AGO2: variants seen among roughly 807,000 people sequenced by gnomAD.
AGO2 encodes protein argonaute-2.
In AGO2, 5 loss-of-function variants were observed where a neutral mutation model predicts 102.3. That is an observed-to-expected ratio of 0.05 (90% CI 0.03 to 0.10). AGO2 has a LOEUF of 0.10. Among genes scored for constraint, AGO2 ranks in the 10% least tolerant of loss-of-function variants. AGO2 has a pLI of 1.00. For missense variants in AGO2, 541 were observed against 1,183.7 expected (o/e 0.46, Z 7.97); for synonymous variants, 449 against 473.1 (o/e 0.95, Z 0.66).
intron 3 of AGO2, 81 bp from the exon 4 acceptor site, chr8:140,562,715 A>T: frequency 3.9e-6 from 6 of 1,529,018 alleles, no homozygotes; most frequent in Admixed American, 1.8e-5. Context: ...GTTGGCTTCC[A>T]GACACTCCTG....
At position 140,563,271 on chromosome 8, in the gene AGO2, C is replaced by T. The variant is rs140691759; in HGVS notation, c.337-637G>A. On this transcript the variant is annotated intron_variant, in intron 3 of 18. Transcript: ENST00000220592. ...TTGTTGAGACAGGGTCTCACTGTGG[C>T]CCAGGCTGGAGTGCAGTGGTGCAGT... 5.7e-3 allele frequency among the ~76,000 whole-genome samples: 873 copies of T among 152,304 alleles called. 8 individuals are homozygous for T. The highest frequency in any genetic ancestry group is 9.2e-3 in the Non-Finnish European group (629 of 68,028).
chr8:140,552,967 C>T (rs2073028052), intron 10 of AGO2, among the ~76,000 whole-genome samples: 1 of 152,220 alleles, frequency 6.6e-6, no homozygotes, highest in Non-Finnish European at 1.5e-5. Context: ...TCCTGCTGTA[C>T]ACATTGCTTT....
intron 3 of AGO2, among the ~76,000 whole-genome samples, chr8:140,571,683 T>TCA (rs1371638257): frequency 1.3e-5 from 2 of 152,236 alleles, no homozygotes; most frequent in Non-Finnish European, 2.9e-5. Flanking sequence ...AATCAGCCTT[T>TCA]CATTCTCATA....
At chr8:140,610,274 G>A (rs1163860436) in intron 1 of AGO2, among the ~76,000 whole-genome samples, 1 of 152,078 alleles carries the variant, frequency 6.6e-6, no homozygotes, top group Non-Finnish European at 1.5e-5. Context: ...ATCAGGAAAG[G>A]GAGGAACACA....
intron 4 of AGO2, 138 bp downstream of exon 4, chr8:140,562,315 T>G: frequency 9.7e-7 from 1 of 1,029,206 alleles, no homozygotes. Flanking sequence ...TGTGTTATCT[T>G]CATCACAGAA....
chr8:140,596,679 A>G (rs1370485172), intron 1 of AGO2, among the ~76,000 whole-genome samples: 3 of 152,232 alleles, frequency 2.0e-5, no homozygotes, highest in Admixed American at 2.0e-4. Context: ...AAAGTACCCA[A>G]TGCAAGATCT....
At chr8:140,610,486 TG>T (rs763179484) in intron 1 of AGO2, among the ~76,000 whole-genome samples, 1 of 152,214 alleles carries the variant, frequency 6.6e-6, no homozygotes, top group Non-Finnish European at 1.5e-5. Flanking sequence ...CCCAAAGTGC[TG>T]GGATTACAGG....
intron 1 of AGO2, among the ~76,000 whole-genome samples, chr8:140,603,217 C>G (rs184585604): frequency 2.6e-5 from 4 of 152,108 alleles, no homozygotes; most frequent in Non-Finnish European, 5.9e-5. Flanking sequence ...GCTCAGCAGA[C>G]GATGGAATCC....
intron 1 of AGO2, among the ~76,000 whole-genome samples, chr8:140,603,279 T>G (rs1226910428): frequency 2.6e-5 from 4 of 151,944 alleles, no homozygotes; most frequent in African/African-American, 4.8e-5. Context: ...CAAAGCGGAG[T>G]GCGTGGTGCC....
At chr8:140,573,846 T>C (rs1158914655) in intron 2 of AGO2, among the ~76,000 whole-genome samples, 1 of 152,220 alleles carries the variant, frequency 6.6e-6, no homozygotes, top group African/African-American at 2.4e-5. Context: ...ATTTGCTCTG[T>C]AGCCCCAGTC....
rs531707634 is a variant in AGO2, at chr8:140,553,299, G to A, written c.1270-1863C>T. ...TTCGAGAGGCTGAGGTGGGAGGAAC[G>A]CTTGAGCCCGGAAGGTCAGGGCTGT... On this transcript the variant is annotated intron_variant, in intron 10 of 18. Coordinates refer to ENST00000220592, the MANE Select transcript of AGO2 (RefSeq NM_012154.5). 9.2e-5 allele frequency among the ~76,000 whole-genome samples: 14 copies of A among 152,226 alleles called. No individual in the cohort carries two copies. In the East Asian group the frequency reaches 2.3e-3, roughly 25 times the overall value.
At chr8:140,550,381 C>T (rs2072974896) in intron 11 of AGO2, among the ~76,000 whole-genome samples, 1 of 152,206 alleles carries the variant, frequency 6.6e-6, no homozygotes, top group Non-Finnish European at 1.5e-5. Context: ...AGCCACCCTG[C>T]TGTGTGCTCC....
At chr8:140,537,349 C>T (rs559487619) in intron 16 of AGO2, among the ~76,000 whole-genome samples, 4 of 150,136 alleles carry the variant, frequency 2.7e-5, no homozygotes, top group Admixed American at 1.3e-4. Context: ...TAAGACAGGT[C>T]GGAGTGCAGT....
At chr8:140,641,553 A>G in the AGO2 span, among the ~76,000 whole-genome samples, 2 of 152,212 alleles carry the variant, frequency 1.3e-5, no homozygotes, top group African/African-American at 4.8e-5. Flanking sequence ...AAAATTAACC[A>G]TAATTCTATA....
chr8:140,598,430 C>T (rs75136572), intron 1 of AGO2, among the ~76,000 whole-genome samples: 13 of 152,388 alleles, frequency 8.5e-5, no homozygotes, highest in African/African-American at 2.6e-4. Flanking sequence ...ATCTTTCCTA[C>T]GGTTTTACCA....
Position 140,596,006 on chromosome 8 carries a change from C to T in AGO2, c.23-10695G>A, listed in dbSNP as rs555048517. Among the ~76,000 whole-genome samples, 18 of 125,942 alleles carry T rather than the reference C, an allele frequency of 1.4e-4. No homozygotes were observed. In the East Asian group the frequency reaches 2.8e-3, roughly 20 times the overall value. The allele number at this position is 125,942 out of a possible 152,430, so 82.6% of individuals were successfully genotyped here. On this transcript the variant is annotated intron_variant, in intron 1 of 18. Coordinates refer to ENST00000220592, the MANE Select transcript of AGO2 (RefSeq NM_012154.5). ...ATAATATATATATTATATATATATA[C>T]ACACACACACATACACACATATTAT... is the stretch of plus-strand genomic sequence containing the variant.
At chr8:140,631,803 G>A (rs534343375) in intron 1 of AGO2, among the ~76,000 whole-genome samples, 2 of 152,232 alleles carry the variant, frequency 1.3e-5, no homozygotes, top group African/African-American at 4.8e-5. Flanking sequence ...TTTAAATATC[G>A]AGGTAAAATG....
At chr8:140,626,002 C>T (rs1352681626) in intron 1 of AGO2, among the ~76,000 whole-genome samples, 1 of 152,244 alleles carries the variant, frequency 6.6e-6, no homozygotes, top group Non-Finnish European at 1.5e-5. Flanking sequence ...GACCAAGGTG[C>T]GCCCAGCAAG....
intron 1 of AGO2, among the ~76,000 whole-genome samples, chr8:140,612,089 G>A (rs1253588208): frequency 6.6e-6 from 1 of 151,934 alleles, no homozygotes; most frequent in African/African-American, 2.4e-5. Flanking sequence ...CGGGAGCAGT[G>A]GCGGGCGCCT....
Sources: allele counts gnomAD v4.1 joint callset (sites outside exome capture counted in the v4.1 genomes callset), GRCh38; gene constraint gnomAD v4.1.1; transcripts MANE v1.5; gene names NCBI Gene and HGNC (gene_info 2026-07-23, HGNC 2026-07-21).